The following MTUS1 variants were observed in gnomAD, a reference collection of about 807,000 sequenced individuals.
MTUS1 encodes the protein microtubule-associated tumor suppressor 1.
A neutral mutation model predicts 120.8 loss-of-function variants in MTUS1; 109 were observed. The ratio of observed to expected loss-of-function variants is 0.90; its 90% CI spans 0.77 to 1.06. The LOEUF (loss-of-function observed/expected upper bound fraction) is 1.06, where lower values mean the gene tolerates loss of function less well. Ranked by LOEUF, MTUS1 falls within the 50% of genes least tolerant of loss-of-function variation. MTUS1 has a pLI of 0.00. For missense variants in MTUS1, 2,210 were observed against 1,486.3 expected (o/e 1.49, Z -8.01); for synonymous variants, 737 against 550.5 (o/e 1.34, Z -4.74).
chr8:17,733,016 T>G (rs1393175929), intron 3 of MTUS1, among the ~76,000 whole-genome samples: 1 of 152,080 alleles, frequency 6.6e-6, no homozygotes, highest in South Asian at 2.1e-4. Flanking sequence ...TTTAAGTCAC[T>G]CCAGTTCAAA....
chr8:17,658,459 T>A (rs1041363184), intron 8 of MTUS1, among the ~76,000 whole-genome samples: 1 of 151,896 alleles, frequency 6.6e-6, no homozygotes, highest in East Asian at 1.9e-4. Context: ...TCCTAGAAAA[T>A]CTTGAATTCC....
chr8:17,654,859 T>C (rs902608968), intron 9 of MTUS1, 193 bp from the exon 10 acceptor site: 9 of 581,922 alleles, frequency 1.5e-5, no homozygotes, highest in Middle Eastern at 2.7e-4. Context: ...GAGGCAGAGG[T>C]GGAGGATCAC....
In MTUS1 at chr8:17,646,014, G is replaced by T; in HGVS notation, c.3725C>A (p.Pro1242His). 2 of 1,613,578 alleles carry T rather than the reference G, an allele frequency of 1.2e-6. No individual in the cohort carries two copies. Among genetic ancestry groups the T allele is most frequent in the Non-Finnish European group, 1.7e-6 (2 of 1,179,950 alleles). Residue 1242 changes from proline (P) to histidine (H), a missense_variant, in exon 15 of 15, where the codon CCC (proline) becomes CAC (histidine). Physicochemically the swap from Pro to His is moderately conservative, Grantham distance 77. Coordinates refer to ENST00000693296, the MANE Select transcript of MTUS1 (RefSeq NM_001363059.2). Reference sequence around the variant, plus strand: ...GGCGGAGGATGTGGGGGATCTCTTGGGGCTACACAGGTCCCCATTGTGCAG... The same window carrying T: ...GGCGGAGGATGTGGGGGATCTCTTGTGGCTACACAGGTCCCCATTGTGCAG... The part of the protein sequence containing the change: ...WKLHNGDLCS[P>H]KRSPTSSAIP...
Position 17,752,539 on chromosome 8 carries a change from C to T in MTUS1, c.2091+1178G>A, listed in dbSNP as rs116005872. ...AATAGAGAAGACTGGTTGTTAAAGC[C>T]CAAACATGTCTAAACTGATGTTTTA... On this transcript the variant is annotated intron_variant, in intron 2 of 14. Coordinates refer to ENST00000693296, the MANE Select transcript of MTUS1 (RefSeq NM_001363059.2). Among the ~76,000 whole-genome samples, 1,022 of 152,260 alleles carry T rather than the reference C, an allele frequency of 6.7e-3. 6 individuals are homozygous for T. Among genetic ancestry groups the T allele is most frequent in the African/African-American group, 0.024 (990 of 41,538 alleles).
At chr8:17,696,162 C>T (rs1221782797) in intron 6 of MTUS1, among the ~76,000 whole-genome samples, 5 of 152,134 alleles carry the variant, frequency 3.3e-5, no homozygotes, top group South Asian at 2.1e-4. Context: ...ACCTCCTCCT[C>T]GCTGCCTCCC....
At chr8:17,729,131 T>TG (rs1387506337) in intron 3 of MTUS1, among the ~76,000 whole-genome samples, 1 of 152,220 alleles carries the variant, frequency 6.6e-6, no homozygotes, top group Non-Finnish European at 1.5e-5. Context: ...TTATATAACT[T>TG]GGGTTCCTTA....
chr8:17,677,095 T>C (rs1003984232), intron 7 of MTUS1, among the ~76,000 whole-genome samples: 2 of 152,218 alleles, frequency 1.3e-5, no homozygotes. Flanking sequence ...TTTAAAAATA[T>C]GGCATTAAGT....
Position 17,756,671 on chromosome 8 carries a change from A to ACCCCAC in MTUS1, c.-154-711_-154-710insGTGGGG, listed in dbSNP as rs1554526125. 3.4e-5 allele frequency among the ~76,000 whole-genome samples: 4 copies of ACCCCAC among 117,484 alleles called. 1 individual carries two copies. Among genetic ancestry groups the ACCCCAC allele is most frequent in the Non-Finnish European group, 5.1e-5 (3 of 58,718 alleles). The allele number at this position is 117,484 out of a possible 152,430, so 77.1% of individuals were successfully genotyped here. ...TCTCCAATTCATATGTCAAGCCCAA[A>ACCCCAC]CCCCCACCCCTTATGTAACTATGTT... On this transcript the variant is annotated intron_variant, in intron 1 of 14. Transcript: ENST00000693296.
intron 1 of MTUS1, among the ~76,000 whole-genome samples, chr8:17,783,124 G>A (rs1175155969): frequency 6.6e-6 from 1 of 152,092 alleles, no homozygotes; most frequent in Non-Finnish European, 1.5e-5. Flanking sequence ...ACGCAATGAG[G>A]ATAACATGTT....
rs759412671 is a variant in MTUS1, at chr8:17,754,012, T to A, written c.1796A>T (p.His599Leu). ...GGCAGATGTTGTTCTTGGAACCCTG[T>A]GTGAAGCATTTTTAGAATGAGTTGT... ...HVTTHSKNASHRVPRTTSAVK... is the reference protein window; with the variant it reads ...HVTTHSKNASLRVPRTTSAVK... Residue 599 changes from histidine to leucine, a missense_variant, in exon 2 of 15, where the codon CAC (histidine) becomes CTC (leucine). Coordinates refer to ENST00000693296, the MANE Select transcript of MTUS1 (RefSeq NM_001363059.2). 6.2e-7 allele frequency: 1 copy of A among 1,614,222 alleles called. No individual in the cohort carries two copies. Among genetic ancestry groups the A allele is most frequent in the Admixed American group, 1.7e-5 (1 of 60,026 alleles).
At position 17,654,314 on chromosome 8, in the gene MTUS1, G is replaced by C. The variant is rs149135245; in HGVS notation, c.3214+247C>G. On this transcript the variant is annotated intron_variant, in intron 10 of 14. Transcript: ENST00000693296. ...AGCTGGCAACCACCACCGCCAAAATGGCCTTTACAGTCTTCCAAAGCCCAT... is the reference window on the plus strand; with the variant it reads ...AGCTGGCAACCACCACCGCCAAAATCGCCTTTACAGTCTTCCAAAGCCCAT... 6.6e-3 allele frequency: 3,339 copies of C among 503,952 alleles called. 15 individuals carry two copies. Among genetic ancestry groups the C allele is most frequent in the Middle Eastern group, 0.019 (35 of 1,874 alleles). The allele number at this position is 503,952 out of a possible 1,614,324, so 31.2% of individuals were successfully genotyped here. A position where few individuals can be genotyped will look rare whatever the true frequency, so the allele number is the denominator to read the frequency against.
intron 3 of MTUS1, among the ~76,000 whole-genome samples, chr8:17,730,040 C>A (rs1045735539): frequency 6.7e-6 from 1 of 149,822 alleles, no homozygotes; most frequent in African/African-American, 2.5e-5. Flanking sequence ...GGCAAGGACA[C>A]GGAGAAACTG....
chr8:17,657,355 T>C (rs1585446673), intron 8 of MTUS1, among the ~76,000 whole-genome samples: 2 of 151,034 alleles, frequency 1.3e-5, no homozygotes, highest in African/African-American at 4.9e-5. Context: ...GATCACGAGG[T>C]CAGGAGATCG....
Position 17,646,944 on chromosome 8 carries a change from C to T in MTUS1, c.3599+38G>A, listed in dbSNP as rs60666820. ...AAAGTACACTGGATGTCCAAGGGAGCGGGGAGCTCGGGAGAAACAGCACTG... is the reference window on the plus strand; with the variant it reads ...AAAGTACACTGGATGTCCAAGGGAGTGGGGAGCTCGGGAGAAACAGCACTG... On this transcript the variant is annotated intron_variant, in intron 14 of 14. Transcript: ENST00000693296. 4.8e-3 allele frequency: 7,127 copies of T among 1,488,594 alleles called. 454 individuals are homozygous for T. In the East Asian group the frequency reaches 0.14, roughly 29 times the overall value. The allele number at this position is 1,488,594 out of a possible 1,614,324, so 92.2% of individuals were successfully genotyped here.
At chr8:17,690,841 A>C (rs1816798238) in intron 6 of MTUS1, among the ~76,000 whole-genome samples, 1 of 152,116 alleles carries the variant, frequency 6.6e-6, no homozygotes, top group Admixed American at 6.5e-5. Context: ...AAATGACCCA[A>C]AGTATTGCCT....
chr8:17,671,982 C>T (rs118028358), intron 8 of MTUS1, among the ~76,000 whole-genome samples: 4,958 of 152,084 alleles, frequency 0.033, 181 homozygotes, highest in South Asian at 0.14. Flanking sequence ...ATATCACCAG[C>T]GAAAAAACCA....
At chr8:17,702,480 T>C (rs908591644) in intron 6 of MTUS1, among the ~76,000 whole-genome samples, 1 of 152,234 alleles carries the variant, frequency 6.6e-6, no homozygotes, top group African/African-American at 2.4e-5. Context: ...GGCACAATGC[T>C]GTAACAAACA....
At chr8:17,648,897 T>G (rs1345188806) in intron 13 of MTUS1, among the ~76,000 whole-genome samples, 1 of 152,214 alleles carries the variant, frequency 6.6e-6, no homozygotes, top group Non-Finnish European at 1.5e-5. Context: ...TAAGCTGCCT[T>G]GCCAAACTCT....
At chr8:17,661,733 G>C (rs1809749190) in intron 8 of MTUS1, among the ~76,000 whole-genome samples, 1 of 152,042 alleles carries the variant, frequency 6.6e-6, no homozygotes, top group Non-Finnish European at 1.5e-5. Context: ...GGGAGAAAAT[G>C]GGTCAGATGG....
Sources: allele counts gnomAD v4.1 joint callset (sites outside exome capture counted in the v4.1 genomes callset), GRCh38; gene constraint gnomAD v4.1.1; transcripts MANE v1.5; gene names NCBI Gene and HGNC (gene_info 2026-07-23, HGNC 2026-07-21).